SNAP47: variants seen among roughly 807,000 people sequenced by gnomAD.
SNAP47 encodes synaptosome associated protein 47.
SNAP47 carries 20 observed loss-of-function variants against 31.4 expected under a neutral mutation model. That is an observed-to-expected ratio of 0.64 (90% CI 0.45 to 0.93). The LOEUF (loss-of-function observed/expected upper bound fraction) is 0.93. Among genes scored for constraint, SNAP47 ranks in the 40% least tolerant of loss-of-function variants. The pLI is 0.00. For missense variants in SNAP47, 492 were observed against 528.5 expected (o/e 0.93, Z 0.68); for synonymous variants, 194 against 213.4 (o/e 0.91, Z 0.79).
intron 4 of SNAP47, chr1:227,776,224 C>T: frequency 1.9e-6 from 2 of 1,075,962 alleles, no homozygotes; most frequent in South Asian, 2.9e-5. Context: ...TGCAGCTTCT[C>T]TTAGGAACAC....
chr1:227,734,757 C>T (rs138383272), upstream of SNAP47: 1 of 1,614,192 alleles, frequency 6.2e-7, no homozygotes, highest in Non-Finnish European at 8.5e-7. Flanking sequence ...GTCATGTGCT[C>T]TTTGGGGTTC....
At chr1:227,767,203 C>A in intron 4 of SNAP47, 120 bp downstream of exon 4, 1 of 1,420,554 alleles carries the variant, frequency 7.0e-7, no homozygotes, top group Non-Finnish European at 9.5e-7. Context: ...GGCCTCGCAC[C>A]AAGGAGGAGC....
upstream of SNAP47, chr1:227,732,596 C>G (rs762822981): frequency 1.9e-6 from 3 of 1,613,392 alleles, no homozygotes; most frequent in African/African-American, 1.3e-5. Context: ...CCCTCAGGAC[C>G]AGGAGCCTCT....
upstream of SNAP47, chr1:227,733,518 G>A (rs1287791224): frequency 6.2e-7 from 1 of 1,602,186 alleles, no homozygotes; most frequent in Non-Finnish European, 8.5e-7. Context: ...CGTGGGTGCA[G>A]GTGTGTGTCG....
chr1:227,733,719 G>A (rs1436614792), upstream of SNAP47: 1 of 1,598,202 alleles, frequency 6.3e-7, no homozygotes, highest in Non-Finnish European at 8.5e-7. Flanking sequence ...GCCTGTAGGG[G>A]CTGGTATGGG....
chr1:227,735,036 A>G, upstream of SNAP47: 1 of 1,554,086 alleles, frequency 6.4e-7, no homozygotes, highest in Non-Finnish European at 8.7e-7. Context: ...AGGTGGTCGA[A>G]GTCGGGCCTC....
chr1:227,775,774 G>A (rs1420696921), intron 4 of SNAP47: 2 of 1,303,100 alleles, frequency 1.5e-6, no homozygotes. Context: ...AAATTCTCTT[G>A]TTTTTGCTCT....
At chr1:227,747,635 T>C in intron 1 of SNAP47, 57 bp from the exon 2 acceptor site, 2 of 1,517,120 alleles carry the variant, frequency 1.3e-6, no homozygotes, top group African/African-American at 2.8e-5. Context: ...CTTGTGGGGT[T>C]GCTTGTGTCT....
intron 4 of SNAP47, among the ~76,000 whole-genome samples, chr1:227,774,354 T>G (rs1308604685): frequency 1.3e-5 from 2 of 150,598 alleles, no homozygotes; most frequent in Non-Finnish European, 1.5e-5. Context: ...TGTGCAGCTG[T>G]TGACACCATG....
rs1308176325 is a variant in SNAP47 at position 227,780,527 on chromosome 1, A to C, written c.1114A>C (p.Ile372Leu). The stretch of plus-strand genomic sequence containing the variant: ...GCTGTGATCTTGTGCTTCTCCCCAG[A>C]TCCTGAGGAGGATGAAGGGGCTGGC... ...SEADTQELTQ[I>L]LRRMKGLALE... Residue 372 changes from isoleucine to leucine, a missense_variant and splice_region_variant, in exon 5 of 5, where the codon ATC becomes CTC. Physicochemically the swap from Ile to Leu is conservative, Grantham distance 5. Coordinates refer to ENST00000617596, the MANE Select transcript of SNAP47 (RefSeq NM_053052.4). The C allele has an allele frequency of 1.2e-6, 2 of 1,613,970 alleles. No homozygotes were observed. The highest frequency in any genetic ancestry group is 1.7e-6 in the Non-Finnish European group (2 of 1,180,022).
chr1:227,769,062 A>G (rs1663623028), intron 4 of SNAP47, among the ~76,000 whole-genome samples: 1 of 152,170 alleles, frequency 6.6e-6, no homozygotes, highest in South Asian at 2.1e-4. Context: ...CGTGTTCTTC[A>G]CCTCAAAGCC....
chr1:227,779,751 C>G (rs1283135084), intron 4 of SNAP47, among the ~76,000 whole-genome samples: 1 of 152,180 alleles, frequency 6.6e-6, no homozygotes, highest in Non-Finnish European at 1.5e-5. Context: ...GAACACAGCT[C>G]ATTAAGCCAC....
chr1:227,767,226 C>A, intron 4 of SNAP47, 143 bp downstream of exon 4: 1 of 1,253,070 alleles, frequency 8.0e-7, no homozygotes, highest in Non-Finnish European at 1.1e-6. Context: ...CTGGCCTCCA[C>A]TCGGCAGCTG....
At chr1:227,776,368 G>A (rs1664160265) in intron 4 of SNAP47, 1 of 987,434 alleles carries the variant, frequency 1.0e-6, no homozygotes, top group Non-Finnish European at 1.2e-6. Context: ...TTTTAATCAG[G>A]TAGTTTCTGT....
At position 227,762,777 on chromosome 1, in the gene SNAP47, C is replaced by T. The variant is rs1015207791; in HGVS notation, c.988+3292C>T. Reference sequence around the variant, plus strand: ...CCGCACAATCACCCTCCTCACATGTCTCTGGGCCCTGTGGCTTCTGACAGC... The same window carrying T: ...CCGCACAATCACCCTCCTCACATGTTTCTGGGCCCTGTGGCTTCTGACAGC... On this transcript the variant is annotated intron_variant, in intron 3 of 4. Coordinates refer to ENST00000617596, the MANE Select transcript of SNAP47 (RefSeq NM_053052.4). This position sits in a 1 kb window ranked among gnomAD's most constrained non-coding sequence, Gnocchi z 4.2. 6.6e-6 allele frequency among the ~76,000 whole-genome samples: 1 copy of T among 152,178 alleles called. No homozygotes were observed. Among genetic ancestry groups the T allele is most frequent in the African/African-American group, 2.4e-5 (1 of 41,446 alleles).
intron 3 of SNAP47, 49 bp downstream of exon 3, chr1:227,759,534 C>T: frequency 6.3e-7 from 1 of 1,582,094 alleles, no homozygotes; most frequent in Non-Finnish European, 8.6e-7. Context: ...TCTAAAATTA[C>T]AGGCAGACTC....
upstream of SNAP47, chr1:227,733,962 C>T (rs1660865070): frequency 1.9e-6 from 3 of 1,613,850 alleles, no homozygotes; most frequent in Admixed American, 5.0e-5. Flanking sequence ...TCCAGTGCAT[C>T]CCAGAACTCA....
At chr1:227,769,917 T>C (rs1157653190) in intron 4 of SNAP47, among the ~76,000 whole-genome samples, 1 of 152,134 alleles carries the variant, frequency 6.6e-6, no homozygotes, top group Non-Finnish European at 1.5e-5. Context: ...TGCTTTGGGG[T>C]TGCTGTGTCC....
At chr1:227,749,686 C>T (rs1662215239) in intron 2 of SNAP47, among the ~76,000 whole-genome samples, 1 of 151,974 alleles carries the variant, frequency 6.6e-6, no homozygotes, top group African/African-American at 2.4e-5. Flanking sequence ...TTGAGTTTGC[C>T]GTCCTTCTCT....
Sources: gnomAD v4.1 joint callset for allele counts (sites outside exome capture counted in the v4.1 genomes callset) on GRCh38, gnomAD v4.1.1 for gene constraint, Gnocchi (gnomAD v3.1) non-coding constraint, MANE v1.5 for transcripts, NCBI Gene and HGNC (gene_info 2026-07-23, HGNC 2026-07-21) for gene names.